Variants in MEGF6 observed in about 807,000 individuals in gnomAD.
The protein encoded by MEGF6 is multiple epidermal growth factor-like domains protein 6.
MEGF6 carries 184 observed loss-of-function variants against 207.1 expected under a neutral mutation model. That is an observed-to-expected ratio of 0.89 (90% CI 0.79 to 1.00). The LOEUF is 1.00. MEGF6 is among the 50% of genes least tolerant of loss of function. The pLI, the probability that MEGF6 is intolerant of heterozygous loss-of-function variation, is 0.00. For missense variants in MEGF6, 2,282 were observed against 2,202.9 expected (o/e 1.04, Z -0.72); for synonymous variants, 1,038 against 910.0 (o/e 1.14, Z -2.53).
intron 4 of MEGF6, among the ~76,000 whole-genome samples, chr1:3,546,086 C>T (rs563462851): frequency 6.6e-6 from 1 of 152,342 alleles, no homozygotes; most frequent in African/African-American, 2.4e-5. Flanking sequence ...GCCAGGCTGC[C>T]CAGATCCACC....
Position 3,490,548 on chromosome 1 carries a change from C to T in MEGF6, c.4606G>A (p.Gly1536Ser), listed in dbSNP as rs57484147. 5,554 of 1,613,288 alleles carry T rather than the reference C, an allele frequency of 3.4e-3. 151 individuals carry two copies. In the African/African-American group the frequency reaches 0.061, roughly 18 times the overall value. ...PASSRPTSRSGGPARH is the reference protein window; with the variant it reads ...PASSRPTSRSSGPARH ...CTCTACTAGTGCCTCGCTGGTCCAC[C>T]GCTCCGGGATGTGGGTCTGCTGGAG... is the stretch of plus-strand genomic sequence containing the variant. The change falls in exon 37 of 37, where the codon GGT becomes AGT. Residue 1536 changes from glycine (G) to serine (S), a missense_variant. By Grantham distance (56) the Gly-to-Ser change is moderately conservative. Coordinates refer to ENST00000356575, the MANE Select transcript of MEGF6 (RefSeq NM_001409.4).
intron 4 of MEGF6, among the ~76,000 whole-genome samples, chr1:3,578,025 CAAAGATGAGGTGGGAGGAGGGGA>C (rs1643690443): frequency 6.6e-6 from 1 of 152,234 alleles, no homozygotes; most frequent in Admixed American, 6.5e-5. Context: ...TGGCTCCTGA[CAAAGATGAGGTGGGAGGAGGGGA>C]CTGACGGTGG....
chr1:3,617,093 C>T, the MEGF6 span, among the ~76,000 whole-genome samples: 1 of 151,944 alleles, frequency 6.6e-6, no homozygotes, highest in Non-Finnish European at 1.5e-5. Context: ...ACCCTCCAAC[C>T]CCGGACACAC....
At chr1:3,608,098 C>T (rs954362551) in intron 1 of MEGF6, among the ~76,000 whole-genome samples, 3 of 152,230 alleles carry the variant, frequency 2.0e-5, no homozygotes, top group African/African-American at 2.4e-5. Flanking sequence ...CCAACGGCCT[C>T]GCGCTTATTT....
chr1:3,499,406 C>T (rs976234439), intron 23 of MEGF6, 140 bp from the exon 24 acceptor site: 12 of 1,404,612 alleles, frequency 8.5e-6, no homozygotes, highest in Non-Finnish European at 1.1e-5. Flanking sequence ...GCTCAGGCCA[C>T]CCACTCAGCA....
rs1211496980 is a variant in MEGF6, at chr1:3,499,207, C to T, written c.3025G>A (p.Ala1009Thr). The change falls in exon 24 of 37, where the codon GCC becomes ACC. Residue 1009 changes from alanine to threonine, a missense_variant. Physicochemically the swap from Ala to Thr is moderately conservative, Grantham distance 58. Coordinates refer to ENST00000356575, the MANE Select transcript of MEGF6 (RefSeq NM_001409.4). ...TGCCCGTGGACAGGGTCACAGGAGG[C>T]CCCGTTAAAGCAGGCACAGGCCTGG... ...CSQACACFNG[A>T]SCDPVHGQCH... The T allele has an allele frequency of 8.1e-6, 13 of 1,604,712 alleles. No individual in the cohort carries two copies. In the Admixed American group the frequency reaches 1.4e-4, roughly 17 times the overall value.
rs1640588582 is a variant in MEGF6, at chr1:3,496,038, G to A, written c.3743-20C>T. ...GACAGGCTGCCGGGGAGGAAGTGGT[G>A]ATCGTGGCTGGCTTCCCTTCTCTCC... On this transcript the variant is annotated intron_variant, in intron 29 of 36. Transcript: ENST00000356575. 4 of 1,496,876 alleles carry A rather than the reference G, an allele frequency of 2.7e-6. No individual in the cohort carries two copies. Among genetic ancestry groups the A allele is most frequent in the Non-Finnish European group, 8.9e-7 (1 of 1,127,712 alleles). 92.7% of individuals were successfully genotyped at this position (1,496,876 alleles called of 1,614,324 possible). A position where few individuals can be genotyped will look rare whatever the true frequency, so the allele number is the denominator to read the frequency against.
rs1034210909 is a variant in MEGF6 at position 3,573,737 on chromosome 1, G to A, written c.481+6088C>T. On this transcript the variant is annotated intron_variant, in intron 4 of 36. Coordinates refer to ENST00000356575, the MANE Select transcript of MEGF6 (RefSeq NM_001409.4). The surrounding 1 kb of genome is among the most constrained non-coding windows in gnomAD (Gnocchi z 5.1). The stretch of plus-strand genomic sequence containing the variant: ...GGGCACAGAGTCTGAGTCTGGCAGC[G>A]GCAGCTCCCAGGCCTGGCCGTGGCT... Among the ~76,000 whole-genome samples, 3 of 152,174 alleles carry A rather than the reference G, an allele frequency of 2.0e-5. No homozygotes were observed. Among genetic ancestry groups the A allele is most frequent in the African/African-American group, 4.8e-5 (2 of 41,462 alleles).
At chr1:3,516,200 T>C (rs1157608005) in intron 5 of MEGF6, among the ~76,000 whole-genome samples, 1 of 152,210 alleles carries the variant, frequency 6.6e-6, no homozygotes, top group African/African-American at 2.4e-5. Flanking sequence ...TGGGTGCCTG[T>C]ACCCCGTGGA....
At position 3,556,046 on chromosome 1, in the gene MEGF6, G is replaced by A. The variant is rs1436464186; in HGVS notation, c.481+23779C>T. Among the ~76,000 whole-genome samples, 1 of 152,230 alleles carries A rather than the reference G, an allele frequency of 6.6e-6. No individual in the cohort carries two copies. The highest frequency in any genetic ancestry group is 6.5e-5 in the Admixed American group (1 of 15,288). On this transcript the variant is annotated intron_variant, in intron 4 of 36. Transcript: ENST00000356575. The surrounding 1 kb of genome is among the most constrained non-coding windows in gnomAD (Gnocchi z 4.4). The stretch of plus-strand genomic sequence containing the variant: ...CTGGCCCTGGAACCAGCTGGAGTCC[G>A]TGGCCAGGGGAGCCCCTCTCCAAGG...
At chr1:3,525,123 C>T (rs955311360) in intron 4 of MEGF6, among the ~76,000 whole-genome samples, 4 of 152,226 alleles carry the variant, frequency 2.6e-5, no homozygotes, top group African/African-American at 9.6e-5. Context: ...GGGCCCCCCA[C>T]ACCCACAGGC....
At chr1:3,597,674 G>C (rs922978617) in intron 2 of MEGF6, among the ~76,000 whole-genome samples, 1 of 152,184 alleles carries the variant, frequency 6.6e-6, no homozygotes, top group Non-Finnish European at 1.5e-5. Context: ...GGAAGTGGCG[G>C]CCACAAGCCA....
chr1:3,610,131 A>G (rs1261452060), intron 1 of MEGF6, among the ~76,000 whole-genome samples: 1 of 152,226 alleles, frequency 6.6e-6, no homozygotes, highest in Non-Finnish European at 1.5e-5. Flanking sequence ...CCCCCAACCC[A>G]GGGACAGCAT....
Position 3,524,296 on chromosome 1 carries a change from CT to C in MEGF6, c.482-51del, listed in dbSNP as rs555716924. 1,177 of 1,583,732 alleles carry C rather than the reference CT, an allele frequency of 7.4e-4. 11 individuals carry two copies. In the African/African-American group the frequency reaches 0.014, roughly 19 times the overall value. On this transcript the variant is annotated intron_variant, in intron 4 of 36. Coordinates refer to ENST00000356575, the MANE Select transcript of MEGF6 (RefSeq NM_001409.4). ...GCAGCTGGGCACCTGTGCCCTCCTG[CT>C]TTGCCAACACAGCCCCCCAGGTGCC... is the stretch of plus-strand genomic sequence containing the variant.
intron 4 of MEGF6, among the ~76,000 whole-genome samples, chr1:3,533,344 A>G (rs1029925047): frequency 2.0e-5 from 3 of 152,234 alleles, no homozygotes; most frequent in African/African-American, 7.2e-5. Flanking sequence ...AGCCCCTCCC[A>G]TCAGCCTCTG....
At chr1:3,550,149 G>A (rs869697) in intron 4 of MEGF6, among the ~76,000 whole-genome samples, 21,925 of 152,144 alleles carry the variant, frequency 0.14, 2,500 homozygotes, top group African/African-American at 0.32. Context: ...ACCCAGAGGC[G>A]CCACAGACCC....
chr1:3,562,643 C>A (rs753902396), intron 4 of MEGF6, among the ~76,000 whole-genome samples: 1 of 152,246 alleles, frequency 6.6e-6, no homozygotes, highest in Admixed American at 6.5e-5. Flanking sequence ...CTCAGACCCC[C>A]GCCAGGGGTG....
chr1:3,527,459 G>T (rs1377568073), intron 4 of MEGF6, among the ~76,000 whole-genome samples: 2 of 152,254 alleles, frequency 1.3e-5, no homozygotes, highest in Non-Finnish European at 2.9e-5. Flanking sequence ...ACTCTGGGGA[G>T]ACCCCGAGGG....
In MEGF6 at chr1:3,594,993, G is replaced by A. The variant is rs998521777; in HGVS notation, c.376+345C>T. ...AGCTGGGGGTGAGCGTGGTGTGGCA[G>A]GTAAACCCCGAACTAGGCTCAGGAG... is the stretch of plus-strand genomic sequence containing the variant. On this transcript the variant is annotated intron_variant, in intron 3 of 36. Coordinates refer to ENST00000356575, the MANE Select transcript of MEGF6 (RefSeq NM_001409.4). This position sits in a 1 kb window ranked among gnomAD's most constrained non-coding sequence, Gnocchi z 4.2. 2.6e-5 allele frequency among the ~76,000 whole-genome samples: 4 copies of A among 152,072 alleles called. No homozygotes were observed. The East Asian group carries it at 7.7e-4, about 29-fold the overall frequency.
Sources: allele counts gnomAD v4.1 joint callset (sites outside exome capture counted in the v4.1 genomes callset), GRCh38; gene constraint gnomAD v4.1.1; non-coding constraint Gnocchi (gnomAD v3.1); transcripts MANE v1.5; gene names NCBI Gene and HGNC (gene_info 2026-07-23, HGNC 2026-07-21).